The following FSTL5 variants were observed in gnomAD, a reference collection of about 807,000 sequenced individuals.
The protein encoded by FSTL5 is follistatin-related protein 5.
FSTL5 carries 62 observed loss-of-function variants against 89.1 expected under a neutral mutation model. The observed-to-expected ratio is 0.70, with a 90% CI of 0.57 to 0.86. The LOEUF is 0.86. Among genes scored for constraint, FSTL5 ranks in the 40% least tolerant of loss-of-function variants. The pLI is 0.00. For synonymous variants in FSTL5, 383 were observed against 346.2 expected, an observed-to-expected ratio of 1.11 and a Z score of -1.18; for missense variants, 1,057 against 1,001.6, an observed-to-expected ratio of 1.06 and a Z score of -0.75.
chr4:161,616,384 C>G (rs1734868857), intron 7 of FSTL5, among the ~76,000 whole-genome samples: 1 of 152,186 alleles, frequency 6.6e-6, no homozygotes, highest in South Asian at 2.1e-4. Flanking sequence ...TTGGCTTAGT[C>G]TTCCAGCCTA....
rs541760626 is a variant in FSTL5 at position 161,571,421 on chromosome 4, A to G, written c.1015+16034T>C. Among the ~76,000 whole-genome samples the G allele has an allele frequency of 8.5e-5, 13 of 152,076 alleles. No homozygotes were observed. The South Asian group carries it at 1.9e-3, about 22-fold the overall frequency. ...GAGAGAGAAATAAAAAGGAAGGAAG[A>G]CAAATTTCTAGCAGACGGCCCTCCC... On this transcript the variant is annotated intron_variant, in intron 8 of 15. Coordinates refer to ENST00000306100, the MANE Select transcript of FSTL5 (RefSeq NM_020116.5).
At chr4:162,016,648 C>T (rs1325294180) in intron 3 of FSTL5, among the ~76,000 whole-genome samples, 2 of 152,062 alleles carry the variant, frequency 1.3e-5, no homozygotes, top group African/African-American at 4.8e-5. Flanking sequence ...CTAATGGCTT[C>T]CCCAGGCTTC....
At chr4:161,651,425 A>T (rs543598436) in intron 7 of FSTL5, among the ~76,000 whole-genome samples, 126 of 152,158 alleles carry the variant, frequency 8.3e-4, no homozygotes, top group African/African-American at 2.9e-3. Flanking sequence ...GTGAATTCCC[A>T]ATCTTTCTTG....
At chr4:161,458,668 T>C (rs1429774534) in intron 14 of FSTL5, among the ~76,000 whole-genome samples, 1 of 152,192 alleles carries the variant, frequency 6.6e-6, no homozygotes, top group Non-Finnish European at 1.5e-5. Context: ...CTGCTTAAAC[T>C]TGTAAGGCTA....
At chr4:161,937,432 G>A (rs1734463425) in intron 3 of FSTL5, among the ~76,000 whole-genome samples, 2 of 152,192 alleles carry the variant, frequency 1.3e-5, no homozygotes, top group South Asian at 4.1e-4. Context: ...AGTTCACCCA[G>A]TGCACAGTAA....
intron 4 of FSTL5, among the ~76,000 whole-genome samples, chr4:161,899,531 T>C (rs976942447): frequency 1.3e-5 from 2 of 152,228 alleles, no homozygotes; most frequent in African/African-American, 4.8e-5. Flanking sequence ...CTTAGTGAAC[T>C]GCCAGGGAGC....
rs922177938 is a variant in FSTL5 at position 161,511,520 on chromosome 4, G to A, written c.1313-1096C>T. 3.9e-5 allele frequency among the ~76,000 whole-genome samples: 6 copies of A among 152,080 alleles called. 1 individual carries two copies. The South Asian group carries it at 1.0e-3, about 26-fold the overall frequency. Reference sequence around the variant, plus strand: ...CCAGCAGTGCACTTTGAACAAATACGAAAAAAGTATAACTTTCAATTATGA... The same window carrying A: ...CCAGCAGTGCACTTTGAACAAATACAAAAAAAGTATAACTTTCAATTATGA... On this transcript the variant is annotated intron_variant, in intron 10 of 15. Coordinates refer to ENST00000306100, the MANE Select transcript of FSTL5 (RefSeq NM_020116.5).
At chr4:161,603,750 C>G (rs910640785) in intron 7 of FSTL5, among the ~76,000 whole-genome samples, 2 of 152,030 alleles carry the variant, frequency 1.3e-5, no homozygotes, top group Non-Finnish European at 2.9e-5. Flanking sequence ...GTTCGAGAGA[C>G]AGAACGTCTC....
intron 3 of FSTL5, among the ~76,000 whole-genome samples, chr4:161,932,743 C>A (rs966037409): frequency 1.3e-5 from 2 of 151,720 alleles, no homozygotes; most frequent in Non-Finnish European, 2.9e-5. Flanking sequence ...ATGTCTTTTG[C>A]AAATTTGAAA....
intron 2 of FSTL5, among the ~76,000 whole-genome samples, chr4:162,058,578 C>A (rs1199847493): frequency 2.0e-5 from 3 of 151,838 alleles, no homozygotes; most frequent in African/African-American, 7.3e-5. Context: ...CAGGCACGCA[C>A]CACCATGCCC....
intron 3 of FSTL5, among the ~76,000 whole-genome samples, chr4:161,927,443 T>C (rs1734158593): frequency 6.6e-6 from 1 of 151,762 alleles, no homozygotes; most frequent in Admixed American, 6.6e-5. Context: ...AGGGTAGATT[T>C]GTCCAGCCAA....
chr4:161,568,829 A>T (rs937093684), intron 8 of FSTL5, among the ~76,000 whole-genome samples: 2 of 152,236 alleles, frequency 1.3e-5, no homozygotes, highest in Non-Finnish European at 2.9e-5. Flanking sequence ...TACAAAGCAC[A>T]AATATAGGTT....
At chr4:161,932,694 C>G (rs566029003) in intron 3 of FSTL5, among the ~76,000 whole-genome samples, 1 of 151,890 alleles carries the variant, frequency 6.6e-6, no homozygotes, top group South Asian at 2.1e-4. Flanking sequence ...TCATACTTTT[C>G]TGATGAGCCA....
At chr4:161,770,650 G>A (rs539576077) in intron 5 of FSTL5, among the ~76,000 whole-genome samples, 6 of 151,522 alleles carry the variant, frequency 4.0e-5, no homozygotes, top group Admixed American at 2.0e-4. Flanking sequence ...TCAAGACAAC[G>A]TTTTCATTAT....
intron 1 of FSTL5, among the ~76,000 whole-genome samples, chr4:162,121,121 GAT>G (rs1381604511): frequency 6.6e-6 from 1 of 151,630 alleles, no homozygotes. Context: ...TTTAGTTATT[GAT>G]ATATAGATAT....
At chr4:162,131,497 A>C (rs1479814888) in intron 1 of FSTL5, among the ~76,000 whole-genome samples, 1 of 152,184 alleles carries the variant, frequency 6.6e-6, no homozygotes, top group Non-Finnish European at 1.5e-5. Context: ...GCTTCATTTC[A>C]AATTGCATTC....
chr4:161,414,644 T>TATTTATCATTTA (rs778978656), intron 15 of FSTL5, among the ~76,000 whole-genome samples: 117 of 152,320 alleles, frequency 7.7e-4, no homozygotes, highest in Non-Finnish European at 1.6e-3. Flanking sequence ...TAGATGAATG[T>TATTTATCATTTA]ATTTATCATT....
chr4:161,923,249 T>G (rs1734040146), intron 3 of FSTL5, among the ~76,000 whole-genome samples: 1 of 151,878 alleles, frequency 6.6e-6, no homozygotes, highest in South Asian at 2.1e-4. Flanking sequence ...GCCAGATTCC[T>G]GAATTGTTCT....
At chr4:161,896,269 C>T (rs968400290) in intron 4 of FSTL5, among the ~76,000 whole-genome samples, 1 of 152,110 alleles carries the variant, frequency 6.6e-6, no homozygotes, top group African/African-American at 2.4e-5. Context: ...AAATGAAACA[C>T]ATGAAATAGT....
Sources: allele counts gnomAD v4.1 joint callset (sites outside exome capture counted in the v4.1 genomes callset), GRCh38; gene constraint gnomAD v4.1.1; transcripts MANE v1.5; gene names NCBI Gene and HGNC (gene_info 2026-07-23, HGNC 2026-07-21).